CREB5: variants seen among roughly 807,000 people sequenced by gnomAD.
The protein encoded by CREB5 is cyclic AMP-responsive element-binding protein 5.
CREB5 carries 19 observed loss-of-function variants against 57.1 expected under a neutral mutation model. That is an observed-to-expected ratio of 0.33 (90% CI 0.23 to 0.49). CREB5 has a LOEUF of 0.49. Ranked by LOEUF, CREB5 falls within the 20% of genes least tolerant of loss-of-function variation. The pLI is 0.99. For missense variants in CREB5, 579 were observed against 671.6 expected (o/e 0.86, Z 1.52); for synonymous variants, 238 against 238.3 (o/e 1.00, Z 0.01).
intron 9 of CREB5, among the ~76,000 whole-genome samples, chr7:28,810,400 G>A (rs777440308): frequency 6.6e-6 from 1 of 152,064 alleles, no homozygotes; most frequent in Non-Finnish European, 1.5e-5. Context: ...AGTTCATGGG[G>A]TCCGGGCGCA....
intron 2 of CREB5, among the ~76,000 whole-genome samples, chr7:28,494,449 C>T (rs1467230869): frequency 6.6e-6 from 1 of 152,052 alleles, no homozygotes; most frequent in Non-Finnish European, 1.5e-5. Flanking sequence ...TCCTTAAATA[C>T]AAAGTTTAAA....
intron 4 of CREB5, among the ~76,000 whole-genome samples, chr7:28,516,698 T>G (rs1792975291): frequency 6.6e-6 from 1 of 152,202 alleles, no homozygotes. Context: ...AGGTAGCTTT[T>G]CCCAGCAGGG....
chr7:28,577,455 G>T (rs763518581), intron 5 of CREB5, among the ~76,000 whole-genome samples: 39 of 152,206 alleles, frequency 2.6e-4, no homozygotes, highest in Non-Finnish European at 4.6e-4. Flanking sequence ...ACTCCTAGGT[G>T]AATAACAGCA....
intron 5 of CREB5, chr7:28,615,623 T>C (rs1797568744): frequency 6.6e-6 from 1 of 152,404 alleles, no homozygotes; most frequent in Non-Finnish European, 1.5e-5. Context: ...TGCATGAGCT[T>C]AATCCACAAA....
At chr7:28,518,665 G>A (rs1793076085) in intron 4 of CREB5, among the ~76,000 whole-genome samples, 1 of 152,116 alleles carries the variant, frequency 6.6e-6, no homozygotes, top group Admixed American at 6.6e-5. Flanking sequence ...CAAATGGCTA[G>A]AGGGAAACAA....
At chr7:28,581,503 C>T (rs1457309004) in intron 5 of CREB5, among the ~76,000 whole-genome samples, 2 of 152,174 alleles carry the variant, frequency 1.3e-5, no homozygotes, top group African/African-American at 4.8e-5. Flanking sequence ...CAGTCACAGG[C>T]AGAGGCCTGC....
At chr7:28,328,120 A>C (rs1229850043) in intron 1 of CREB5, among the ~76,000 whole-genome samples, 4 of 152,198 alleles carry the variant, frequency 2.6e-5, no homozygotes, top group African/African-American at 9.7e-5. Flanking sequence ...ATTTCCTGCA[A>C]ACCAGAGTCA....
chr7:28,334,130 TG>T (rs1410405890), intron 1 of CREB5, among the ~76,000 whole-genome samples: 1 of 152,176 alleles, frequency 6.6e-6, no homozygotes, highest in Non-Finnish European at 1.5e-5. Context: ...TGCATTTCTC[TG>T]ATGATCATTG....
intron 1 of CREB5, among the ~76,000 whole-genome samples, chr7:28,352,592 C>T (rs2127990779): frequency 6.6e-6 from 1 of 152,312 alleles, no homozygotes; most frequent in East Asian, 1.9e-4. Context: ...TCTCTTTGGG[C>T]TGGCTCCCTT....
At chr7:28,752,037 C>T (rs767260929) in intron 7 of CREB5, among the ~76,000 whole-genome samples, 1 of 152,172 alleles carries the variant, frequency 6.6e-6, no homozygotes, top group Non-Finnish European at 1.5e-5. Context: ...TGATGTTGTA[C>T]CCTTTTTGGT....
At chr7:28,449,644 C>T (rs1789687698) in intron 1 of CREB5, among the ~76,000 whole-genome samples, 1 of 152,198 alleles carries the variant, frequency 6.6e-6, no homozygotes, top group South Asian at 2.1e-4. Flanking sequence ...GAGTAAATTG[C>T]ATTCATAATT....
At chr7:28,316,564 G>A (rs1785387178) in intron 1 of CREB5, among the ~76,000 whole-genome samples, 1 of 152,148 alleles carries the variant, frequency 6.6e-6, no homozygotes, top group African/African-American at 2.4e-5. Context: ...GATCCTGGCA[G>A]TGTCTGCCAT....
intron 5 of CREB5, among the ~76,000 whole-genome samples, chr7:28,688,301 C>T (rs1801056897): frequency 6.6e-6 from 1 of 152,166 alleles, no homozygotes; most frequent in African/African-American, 2.4e-5. Context: ...GGGGAGAATT[C>T]ACCTGCCCAG....
intron 5 of CREB5, among the ~76,000 whole-genome samples, chr7:28,620,902 C>T (rs975526353): frequency 1.3e-5 from 2 of 152,196 alleles, no homozygotes; most frequent in Admixed American, 1.3e-4. Context: ...CTGGAATTAA[C>T]ATTTCGCAAA....
rs1804954431 is a variant in CREB5 at position 28,751,174 on chromosome 7, AG to A, written c.702+26843del. Among the ~76,000 whole-genome samples, 3 of 130,896 alleles carry A rather than the reference AG, an allele frequency of 2.3e-5. No homozygotes were observed. In the South Asian group the frequency reaches 8.4e-4, roughly 37 times the overall value. 85.9% of individuals were successfully genotyped at this position (130,896 alleles called of 152,430 possible). A position where few individuals can be genotyped will look rare whatever the true frequency, so the allele number is the denominator to read the frequency against. On this transcript the variant is annotated intron_variant, in intron 7 of 10. Coordinates refer to ENST00000357727, the MANE Select transcript of CREB5 (RefSeq NM_182898.4). Reference sequence around the variant, plus strand: ...AGCCTGGGAAGCGTCAGGAAGCAAAAGATGACTGCGCGTGAGCCAGGGGTGG... The same window carrying A: ...AGCCTGGGAAGCGTCAGGAAGCAAAAATGACTGCGCGTGAGCCAGGGGTGG...
chr7:28,487,472 C>T (rs946057732), intron 1 of CREB5, among the ~76,000 whole-genome samples: 5 of 152,154 alleles, frequency 3.3e-5, no homozygotes, highest in Non-Finnish European at 5.9e-5. Flanking sequence ...TTCAAGTCAG[C>T]TTATAAAGCC....
chr7:28,538,469 A>G (rs1328119106), intron 4 of CREB5, among the ~76,000 whole-genome samples: 1 of 152,184 alleles, frequency 6.6e-6, no homozygotes, highest in Non-Finnish European at 1.5e-5. Context: ...TATTCCTGAT[A>G]TAATATATGA....
chr7:28,670,721 C>G (rs949524365), intron 5 of CREB5, among the ~76,000 whole-genome samples: 11 of 152,196 alleles, frequency 7.2e-5, no homozygotes, highest in African/African-American at 2.7e-4. Context: ...CAAGTCAAAA[C>G]AAAGAAGTTC....
At chr7:28,561,026 G>T (rs1171381156) in intron 4 of CREB5, among the ~76,000 whole-genome samples, 1 of 55,034 alleles carries the variant, frequency 1.8e-5, no homozygotes, top group South Asian at 5.9e-4. Flanking sequence ...GCGTGTGTGC[G>T]TGTGTGTGTG....
Sources: allele counts gnomAD v4.1 joint callset (sites outside exome capture counted in the v4.1 genomes callset), GRCh38; gene constraint gnomAD v4.1.1; transcripts MANE v1.5; gene names NCBI Gene and HGNC (gene_info 2026-07-23, HGNC 2026-07-21).